Variants in PRDM16 observed in about 807,000 individuals in gnomAD.
The protein encoded by PRDM16 is histone-lysine N-methyltransferase PRDM16.
A neutral mutation model predicts 110.6 loss-of-function variants in PRDM16; 23 were observed. The observed-to-expected ratio is 0.21, with a 90% CI of 0.15 to 0.29. The LOEUF is 0.29. Ranked by LOEUF, PRDM16 falls within the 10% of genes least tolerant of loss-of-function variation. The pLI is 1.00. For synonymous variants in PRDM16, 799 were observed against 781.8 expected, an observed-to-expected ratio of 1.02 and a Z score of -0.37; for missense variants, 1,615 against 1,794.3, an observed-to-expected ratio of 0.90 and a Z score of 1.81.
At chr1:3,420,885 C>T (rs1638407108) in intron 12 of PRDM16, among the ~76,000 whole-genome samples, 1 of 152,082 alleles carries the variant, frequency 6.6e-6, no homozygotes, top group Admixed American at 6.5e-5. Context: ...GGGAGGCTGC[C>T]CAGTGGAGCC....
chr1:3,114,208 C>CGCACGCACAA (rs1642874549), intron 1 of PRDM16, among the ~76,000 whole-genome samples: 1 of 133,104 alleles, frequency 7.5e-6, no homozygotes, highest in Non-Finnish European at 1.6e-5. Context: ...CGCACGCACA[C>CGCACGCACAA]ACGCACACGA....
intron 2 of PRDM16, among the ~76,000 whole-genome samples, chr1:3,192,076 C>T (rs1029492411): frequency 6.6e-6 from 1 of 152,206 alleles, no homozygotes; most frequent in African/African-American, 2.4e-5. Flanking sequence ...AAACCCCAGT[C>T]CCTTCTCCCT....
chr1:3,295,588 G>A (rs1048096814), intron 3 of PRDM16, among the ~76,000 whole-genome samples: 9 of 152,144 alleles, frequency 5.9e-5, no homozygotes, highest in African/African-American at 1.9e-4. Flanking sequence ...CCCGGGGGCC[G>A]TAACTCAGGA....
rs567877546 is a variant in PRDM16, at chr1:3,192,024, G to GGGTA, written c.387+5553_387+5556dup. ...TTTTTGCAATGTGGCCAGGTCCACA[G>GGGTA]GGTAGGGTAGGGAATCACCCAGGCC... On this transcript the variant is annotated intron_variant, in intron 2 of 16. Transcript: ENST00000270722. Among the ~76,000 whole-genome samples, 142 of 152,206 alleles carry GGGTA rather than the reference G, an allele frequency of 9.3e-4. 2 individuals are homozygous for GGGTA. The highest frequency in any genetic ancestry group is 1.6e-3 in the Admixed American group (24 of 15,284).
intron 2 of PRDM16, among the ~76,000 whole-genome samples, chr1:3,188,531 T>C (rs998583077): frequency 5.3e-5 from 8 of 152,160 alleles, no homozygotes; most frequent in African/African-American, 1.9e-4. Flanking sequence ...GCACCTCCCG[T>C]TTCTGCGGAG....
At chr1:3,401,866 AAC>A (rs111578719) in intron 5 of PRDM16, among the ~76,000 whole-genome samples, 1 of 138,022 alleles carries the variant, frequency 7.2e-6, no homozygotes, top group South Asian at 2.9e-4. Context: ...CAAGTATGAA[AAC>A]ACACCAGTGC....
intron 3 of PRDM16, among the ~76,000 whole-genome samples, chr1:3,357,181 A>C (rs538149139): frequency 1.3e-5 from 2 of 152,212 alleles, no homozygotes; most frequent in East Asian, 3.9e-4. Context: ...CTCAGCAGCC[A>C]GTCCACCTGC....
intron 3 of PRDM16, among the ~76,000 whole-genome samples, chr1:3,312,557 G>A (rs984552582): frequency 2.0e-5 from 3 of 152,214 alleles, no homozygotes; most frequent in Admixed American, 2.0e-4. Flanking sequence ...ATCCGGATCC[G>A]GGGCCGGCAG....
In PRDM16 at chr1:3,392,209, C is replaced by T. The variant is rs938975606; in HGVS notation, c.574-4282C>T. Among the ~76,000 whole-genome samples the T allele has an allele frequency of 2.0e-5, 3 of 152,330 alleles. No homozygotes were observed. In the East Asian group the frequency reaches 5.8e-4, roughly 29 times the overall value. On this transcript the variant is annotated intron_variant, in intron 4 of 16. Coordinates refer to ENST00000270722, the MANE Select transcript of PRDM16 (RefSeq NM_022114.4). ...ATTCCGATTCCACTGGCTGCTTTCA[C>T]GTGTTTTGTGAGAAAAGCCTCTTGC...
intron 2 of PRDM16, among the ~76,000 whole-genome samples, chr1:3,204,692 G>A (rs946876822): frequency 6.6e-6 from 1 of 152,260 alleles, no homozygotes; most frequent in East Asian, 1.9e-4. Context: ...TTGCGTGTAC[G>A]TAGACGTGTG....
rs192371983 is a variant in PRDM16 at position 3,243,129 on chromosome 1, C to T, written c.388-958C>T. On this transcript the variant is annotated intron_variant, in intron 2 of 16. Coordinates refer to ENST00000270722, the MANE Select transcript of PRDM16 (RefSeq NM_022114.4). The surrounding 1 kb of genome is among the most constrained non-coding windows in gnomAD (Gnocchi z 5.5). ...GAACGAGCCGACTGCTGGCCCACTC[C>T]AGCCTCCCTGTCTCGGCCTCTGTCC... 3.5e-3 allele frequency among the ~76,000 whole-genome samples: 529 copies of T among 152,340 alleles called. 2 individuals are homozygous for T. Among genetic ancestry groups the T allele is most frequent in the African/African-American group, 0.012 (495 of 41,576 alleles).
At chr1:3,400,456 GGTGA>G (rs1332897180) in intron 5 of PRDM16, among the ~76,000 whole-genome samples, 1 of 152,094 alleles carries the variant, frequency 6.6e-6, no homozygotes, top group Non-Finnish European at 1.5e-5. Flanking sequence ...AGACTTCTAG[GGTGA>G]GTATTTCTTG....
chr1:3,114,758 G>A (rs72630950), intron 1 of PRDM16, among the ~76,000 whole-genome samples: 8,510 of 152,346 alleles, frequency 0.056, 332 homozygotes, highest in East Asian at 0.077. Context: ...GGCCCCTGAC[G>A]GGGAGCTCCT....
intron 2 of PRDM16, among the ~76,000 whole-genome samples, chr1:3,232,835 G>T (rs1201846366): frequency 1.3e-5 from 2 of 152,188 alleles, no homozygotes; most frequent in Non-Finnish European, 2.9e-5. Flanking sequence ...GGGGAGGTCA[G>T]ATTCTCCCAC....
At chr1:3,423,156 G>A (rs1013002942) in intron 12 of PRDM16, among the ~76,000 whole-genome samples, 3 of 152,292 alleles carry the variant, frequency 2.0e-5, no homozygotes, top group African/African-American at 4.8e-5. Flanking sequence ...GATATGCCTC[G>A]GCCAGGCGTG....
intron 3 of PRDM16, among the ~76,000 whole-genome samples, chr1:3,268,185 C>T (rs1040535282): frequency 2.6e-5 from 4 of 152,342 alleles, no homozygotes; most frequent in African/African-American, 7.2e-5. Flanking sequence ...GCTCCTGCTG[C>T]GGTTGCAGTC....
chr1:3,244,283 CT>C lies in PRDM16; in HGVS notation c.438+147del. On this transcript the variant is annotated intron_variant, in intron 3 of 16. Coordinates refer to ENST00000270722, the MANE Select transcript of PRDM16 (RefSeq NM_022114.4). This position sits in a 1 kb window ranked among gnomAD's most constrained non-coding sequence, Gnocchi z 4.1. ...CCCCGAGCAATGTGTTATCTGTGGA[CT>C]GACGTGTGCACAGGACGGTGGCTTT... is the stretch of plus-strand genomic sequence containing the variant. 1 of 746,618 alleles carries C rather than the reference CT, an allele frequency of 1.3e-6. No individual in the cohort carries two copies. The highest frequency in any genetic ancestry group is 2.3e-6 in the Non-Finnish European group (1 of 438,262). The allele number at this position is 746,618 out of a possible 1,614,324, so 46.2% of individuals were successfully genotyped here.
chr1:3,203,586 G>C (rs1005120355), intron 2 of PRDM16, among the ~76,000 whole-genome samples: 10 of 152,212 alleles, frequency 6.6e-5, no homozygotes, highest in Non-Finnish European at 1.3e-4. Flanking sequence ...TCTCCCCGGG[G>C]GGGCCAGGGT....
rs552396765 is a variant in PRDM16 at position 3,339,351 on chromosome 1, G to C, written c.439-45801G>C. Among the ~76,000 whole-genome samples the C allele has an allele frequency of 1.3e-5, 2 of 152,210 alleles. No homozygotes were observed. Among genetic ancestry groups the C allele is most frequent in the South Asian group, 4.2e-4 (2 of 4,810 alleles). On this transcript the variant is annotated intron_variant, in intron 3 of 16. Coordinates refer to ENST00000270722, the MANE Select transcript of PRDM16 (RefSeq NM_022114.4). This position sits in a 1 kb window ranked among gnomAD's most constrained non-coding sequence, Gnocchi z 5.0. Reference sequence around the variant, plus strand: ...GCACAGGGTGGGCCTCCGCGCATCCGTGCCCGGAAGCAGGAACAGAGGGAT... The same window carrying C: ...GCACAGGGTGGGCCTCCGCGCATCCCTGCCCGGAAGCAGGAACAGAGGGAT...
Sources: allele counts gnomAD v4.1 joint callset (sites outside exome capture counted in the v4.1 genomes callset), GRCh38; gene constraint gnomAD v4.1.1; non-coding constraint Gnocchi (gnomAD v3.1); transcripts MANE v1.5; gene names NCBI Gene and HGNC (gene_info 2026-07-23, HGNC 2026-07-21).